UNC79: variants seen among roughly 807,000 people sequenced by gnomAD.
UNC79 encodes unc-79 subunit of NALCN channel complex, also known as protein unc-79 homolog.
A neutral mutation model predicts 283.1 loss-of-function variants in UNC79; 37 were observed. That is an observed-to-expected ratio of 0.13 (90% CI 0.10 to 0.17). The LOEUF is 0.17. Among genes scored for constraint, UNC79 ranks in the 10% least tolerant of loss-of-function variants. The probability of loss-of-function intolerance (pLI) is 1.00; values close to 1 mark genes in which losing one functional copy is unlikely to be tolerated. For missense variants in UNC79, 2,272 were observed against 3,211.1 expected (o/e 0.71, Z 7.07); for synonymous variants, 1,107 against 1,200.2 (o/e 0.92, Z 1.61).
chr14:93,648,650 C>T lies in UNC79; in HGVS notation c.6083+2004C>T, dbSNP rs567769059. On this transcript the variant is annotated intron_variant, in intron 35 of 48. Transcript: ENST00000555664. ...GTGTGAGTGGGTGTAACGGGTGGTC[C>T]CAGTCTGGTCTTGGTAGTGGTAGAG... Among the ~76,000 whole-genome samples, 237 of 151,882 alleles carry T rather than the reference C, an allele frequency of 1.6e-3. 1 individual carries two copies. Among genetic ancestry groups the T allele is most frequent in the African/African-American group, 5.0e-3 (209 of 41,388 alleles).
intron 1 of UNC79, among the ~76,000 whole-genome samples, chr14:93,335,361 C>T (rs765649964): frequency 6.6e-5 from 10 of 152,228 alleles, no homozygotes; most frequent in Non-Finnish European, 1.5e-4. Context: ...CAGTCCGATA[C>T]ACATTTAAAG....
intron 31 of UNC79, among the ~76,000 whole-genome samples, chr14:93,631,448 A>G (rs2068030070): frequency 6.6e-6 from 1 of 152,102 alleles, no homozygotes; most frequent in African/African-American, 2.4e-5. Context: ...GTATTTTGAA[A>G]CTGGCTTCTG....
intron 24 of UNC79, among the ~76,000 whole-genome samples, chr14:93,599,916 A>G (rs2142027230): frequency 6.6e-6 from 1 of 152,336 alleles, no homozygotes; most frequent in East Asian, 1.9e-4. Flanking sequence ...TTAAAACCAG[A>G]TGCAGCTGGG....
At chr14:93,579,494 G>GTGTT (rs2063660800) in intron 18 of UNC79, among the ~76,000 whole-genome samples, 1 of 152,022 alleles carries the variant, frequency 6.6e-6, no homozygotes, top group African/African-American at 2.4e-5. Flanking sequence ...TCCCATTTAT[G>GTGTT]TGTTTATTTA....
At chr14:93,442,076 G>T (rs1381831858) in intron 1 of UNC79, among the ~76,000 whole-genome samples, 1 of 152,020 alleles carries the variant, frequency 6.6e-6, no homozygotes, top group African/African-American at 2.4e-5. Context: ...TGGCATTAAG[G>T]ATTGGTGAAA....
intron 22 of UNC79, among the ~76,000 whole-genome samples, chr14:93,588,070 C>CTTTATTTA (rs528106759): frequency 1.9e-4 from 29 of 151,906 alleles, no homozygotes; most frequent in African/African-American, 6.0e-4. Context: ...GATACTGAAG[C>CTTTATTTA]TTTATTTATT....
At chr14:93,583,255 A>G (rs1276004030) in intron 20 of UNC79, among the ~76,000 whole-genome samples, 4 of 151,528 alleles carry the variant, frequency 2.6e-5, no homozygotes, top group Non-Finnish European at 5.9e-5. Context: ...GGGCAGGCAG[A>G]GGTGGTGAGC....
At chr14:93,410,593 G>C (rs1173709806) in intron 1 of UNC79, among the ~76,000 whole-genome samples, 1 of 152,124 alleles carries the variant, frequency 6.6e-6, no homozygotes, top group Non-Finnish European at 1.5e-5. Flanking sequence ...AGAGTAAAGA[G>C]GACTTTGTCT....
At chr14:93,572,480 A>G (rs1161448210) in intron 15 of UNC79, among the ~76,000 whole-genome samples, 1 of 151,630 alleles carries the variant, frequency 6.6e-6, no homozygotes, top group African/African-American at 2.4e-5. Flanking sequence ...CAGTAATGTT[A>G]TTAACAACCA....
exon 30 of UNC79, chr14:93,622,544 G>T: frequency 6.2e-7 from 1 of 1,614,066 alleles, no homozygotes; most frequent in Non-Finnish European, 8.5e-7. Flanking sequence ...GGGCACTGAG[G>T]GGGAGAAGCC....
chr14:93,467,634 T>TTTTTTTTTTTTTTTTTTTTC, intron 1 of UNC79, 37 bp from the exon 2 acceptor site: 1 of 603,546 alleles, frequency 1.7e-6, no homozygotes. Flanking sequence ...CTTCCTTTTT[T>TTTTTTTTTTTTTTTTTTTTC]TTTTTTTTTT....
chr14:93,604,801 G>A, intron 26 of UNC79, 95 bp from the exon 27 acceptor site: 31 of 1,220,474 alleles, frequency 2.5e-5, no homozygotes, highest in Non-Finnish European at 3.2e-5. Context: ...AATGAAACCT[G>A]CCCCTACTAT....
At position 93,592,465 on chromosome 14, in the gene UNC79, C is replaced by T. The variant is rs530684950; in HGVS notation, c.3033-1215C>T. ...CTGGGATTACAGGCGTGAGCCACTG[C>T]GCCTGGCCGACATAACTTTTCCTTA... On this transcript the variant is annotated intron_variant, in intron 22 of 48. Transcript: ENST00000555664. Among the ~76,000 whole-genome samples, 69 of 152,228 alleles carry T rather than the reference C, an allele frequency of 4.5e-4. No homozygotes were observed. In the Middle Eastern group the frequency reaches 0.014, roughly 30 times the overall value.
At chr14:93,578,452 G>A (rs1459695394) in intron 18 of UNC79, among the ~76,000 whole-genome samples, 1 of 152,102 alleles carries the variant, frequency 6.6e-6, no homozygotes, top group Non-Finnish European at 1.5e-5. Flanking sequence ...AGTTAAAAAG[G>A]TTTTGATGAG....
intron 35 of UNC79, among the ~76,000 whole-genome samples, chr14:93,649,340 AC>A (rs1346180974): frequency 6.6e-6 from 1 of 152,194 alleles, no homozygotes; most frequent in Non-Finnish European, 1.5e-5. Context: ...TTTTAAACAT[AC>A]TGCAAAGTTG....
intron 1 of UNC79, among the ~76,000 whole-genome samples, chr14:93,339,161 A>G (rs886663811): frequency 1.3e-5 from 2 of 152,236 alleles, no homozygotes; most frequent in Non-Finnish European, 2.9e-5. Context: ...TTTAAAAGGC[A>G]TCATGCCAAC....
At chr14:93,602,053 G>T (rs1357907315) in intron 25 of UNC79, among the ~76,000 whole-genome samples, 1 of 152,148 alleles carries the variant, frequency 6.6e-6, no homozygotes, top group African/African-American at 2.4e-5. Context: ...TCAGTGGGTT[G>T]TCTGTTTACT....
chr14:93,357,899 ATATATC>A, intron 1 of UNC79, among the ~76,000 whole-genome samples: 1 of 37,682 alleles, frequency 2.7e-5, no homozygotes, highest in Non-Finnish European at 5.7e-5. Context: ...ATATGGAGAT[ATATATC>A]TATATATATC....
intron 1 of UNC79, chr14:93,347,240 A>G (rs1195280342): frequency 5.1e-6 from 8 of 1,582,180 alleles, no homozygotes; most frequent in Non-Finnish European, 6.9e-6. Flanking sequence ...TGTGCTGTCC[A>G]CGCCTGGCTT....
Sources: allele counts gnomAD v4.1 joint callset (sites outside exome capture counted in the v4.1 genomes callset), GRCh38; gene constraint gnomAD v4.1.1; transcripts MANE v1.5; gene names NCBI Gene and HGNC (gene_info 2026-07-23, HGNC 2026-07-21).